LAS1L: variants seen among roughly 807,000 people sequenced by gnomAD.
LAS1L encodes the protein LAS1 like ribosome biogenesis factor.
A neutral mutation model predicts 57.3 loss-of-function variants in LAS1L; 5 were observed. That is an observed-to-expected ratio of 0.09 (90% confidence interval 0.05 to 0.18). LAS1L has a LOEUF of 0.18. LAS1L is among the 10% of genes least tolerant of loss of function. The pLI, the probability that LAS1L is intolerant of heterozygous loss-of-function variation, is 1.00. For missense variants in LAS1L, 360 were observed against 568.3 expected, an observed-to-expected ratio of 0.63 and a Z score of 3.73; for synonymous variants, 245 against 231.7, an observed-to-expected ratio of 1.06 and a Z score of -0.52.
chrX:65,520,158 G>C (rs1397146845), intron 11 of LAS1L, among the ~76,000 whole-genome samples: 1 of 111,588 alleles, frequency 9.0e-6, no homozygotes, highest in African/African-American at 3.3e-5. Context: ...CCCCTTCCTC[G>C]AGTATGTCTG....
chrX:65,513,225 T>C (rs1358001390), intron 13 of LAS1L, among the ~76,000 whole-genome samples: 1 of 112,304 alleles, frequency 8.9e-6, no homozygotes, highest in African/African-American at 3.2e-5. Context: ...TCCCAAGACA[T>C]TGAAAGTAGC....
At chrX:65,525,177 T>C (rs2069061564) in intron 7 of LAS1L, 127 bp from the exon 8 acceptor site, 1 of 508,784 alleles carries the variant, frequency 2.0e-6, no homozygotes, top group Admixed American at 3.1e-5. Flanking sequence ...GGAGGAGGGG[T>C]GGTGGGTGGG....
At chrX:65,528,162 A>C in intron 7 of LAS1L, 98 bp downstream of exon 7, 2 of 525,208 alleles carry the variant, frequency 3.8e-6, no homozygotes. Context: ...GATTTTGTAC[A>C]GCAGAGGTTG....
Position 65,518,447 on chromosome X carries a change from C to A in LAS1L, c.1467G>T (p.Gly489=). 1 of 1,201,922 alleles carries A rather than the reference C, an allele frequency of 8.3e-7. No homozygotes were observed. Among genetic ancestry groups the A allele is most frequent in the Non-Finnish European group, 1.1e-6 (1 of 890,680 alleles). Residue 489 remains glycine, a synonymous_variant, in exon 12 of 14, where the codon GGG becomes GGT. Transcript: ENST00000374811. ...CCTGCTCCTCGTCTGGCAGGCCCTG[C>A]CCCATGGCTTTGAAGATGCTGAGCA... ...QLLRIIFKAM[G]QGLPDEEQEK...
intron 12 of LAS1L, among the ~76,000 whole-genome samples, chrX:65,516,636 T>TACACACAC (rs57356313): frequency 8.9e-4 from 80 of 89,581 alleles, no homozygotes; most frequent in Non-Finnish European, 1.4e-3. Flanking sequence ...CTTTTTCCTA[T>TACACACAC]ACACACACAC....
chrX:65,515,015 G>A (rs2068578253), intron 12 of LAS1L, 42 bp from the exon 13 acceptor site: 1 of 1,174,234 alleles, frequency 8.5e-7, no homozygotes, highest in Non-Finnish European at 1.1e-6. Context: ...CTGATGAGCT[G>A]GTTCTCCGAC....
chrX:65,521,419 T>A lies in LAS1L; in HGVS notation c.1448+2141A>T, dbSNP rs2068843983. 3 of 254,664 alleles carry A rather than the reference T, an allele frequency of 1.2e-5. No individual in the cohort carries two copies. In the South Asian group the frequency reaches 5.8e-4, roughly 50 times the overall value. 21.0% of individuals were successfully genotyped at this position (254,664 alleles called of 1,213,427 possible). A position where few individuals can be genotyped will look rare whatever the true frequency, so the allele number is the denominator to read the frequency against. On this transcript the variant is annotated intron_variant, in intron 11 of 13. Transcript: ENST00000374811. ...GAGTCCTTGCCCTTGAAAAGCTTAG[T>A]CTGATAGAGGGAAGGAGACACTAAG... is the stretch of plus-strand genomic sequence containing the variant.
At chrX:65,531,136 A>G (rs2069464796) in intron 4 of LAS1L, among the ~76,000 whole-genome samples, 1 of 112,777 alleles carries the variant, frequency 8.9e-6, no homozygotes, top group Admixed American at 9.4e-5. Flanking sequence ...TATTATGTTT[A>G]TCATGAATTT....
At chrX:65,523,854 GC>G in intron 10 of LAS1L, 147 bp from the exon 11 acceptor site, 1 of 782,602 alleles carries the variant, frequency 1.3e-6, no homozygotes, top group Non-Finnish European at 1.8e-6. Context: ...AGGGCACTTT[GC>G]CCCAGCCCAG....
chrX:65,526,130 G>A lies in LAS1L; in HGVS notation c.957-1080C>T, dbSNP rs977924318. Among the ~76,000 whole-genome samples, 56 of 112,073 alleles carry A rather than the reference G, an allele frequency of 5.0e-4. 1 individual carries two copies. Among genetic ancestry groups the A allele is most frequent in the African/African-American group, 1.6e-3 (49 of 30,754 alleles). On this transcript the variant is annotated intron_variant, in intron 7 of 13. Transcript: ENST00000374811. ...GACTCCCCTTTGCCTTCTGCCATGA[G>A]GGGAAGAAGCAGCCTGAAGCTCTAA...
intron 3 of LAS1L, among the ~76,000 whole-genome samples, 163 bp downstream of exon 3, chrX:65,532,398 C>T (rs779853536): frequency 2.7e-5 from 3 of 112,875 alleles, no homozygotes; most frequent in Non-Finnish European, 5.6e-5. Context: ...AAGGGAGCAA[C>T]TGTGCCTCCT....
intron 11 of LAS1L, chrX:65,519,031 C>G: frequency 1.5e-6 from 1 of 682,590 alleles, no homozygotes; most frequent in Non-Finnish European, 1.7e-6. Flanking sequence ...CAGCGGCTGA[C>G]AAGACAAAGC....
chrX:65,515,039 T>C (rs1006490819), intron 12 of LAS1L, 66 bp from the exon 13 acceptor site: 7 of 1,073,915 alleles, frequency 6.5e-6, no homozygotes, highest in Middle Eastern at 3.1e-4. Flanking sequence ...TGCACAGGCC[T>C]GCTCACCCTG....
chrX:65,531,140 T>A (rs1187670921), intron 4 of LAS1L, among the ~76,000 whole-genome samples: 4 of 112,654 alleles, frequency 3.6e-5, no homozygotes, highest in Non-Finnish European at 7.5e-5. Context: ...ATGTTTATCA[T>A]GAATTTTTCC....
At chrX:65,524,396 C>G in intron 9 of LAS1L, 134 bp from the exon 10 acceptor site, 2 of 527,386 alleles carry the variant, frequency 3.8e-6, no homozygotes, top group Non-Finnish European at 3.3e-6. Flanking sequence ...GCGCATGAGC[C>G]AAGCCCCCCA....
chrX:65,525,787 C>T lies in LAS1L; in HGVS notation c.957-737G>A, dbSNP rs186895475. On this transcript the variant is annotated intron_variant, in intron 7 of 13. Coordinates refer to ENST00000374811, the MANE Select transcript of LAS1L (RefSeq NM_031206.7). ...AAAAAAAGAAAGAAATTGCAACCTC[C>T]GGCATAAATGGGTTAATAGCTCAAA... 3.2e-3 allele frequency among the ~76,000 whole-genome samples: 311 copies of T among 96,555 alleles called. 4 individuals are homozygous for T. The highest frequency in any genetic ancestry group is 0.016 in the African/African-American group (284 of 17,959). 83.8% of individuals were successfully genotyped at this position (96,555 alleles called of 115,157 possible).
intron 12 of LAS1L, among the ~76,000 whole-genome samples, chrX:65,516,200 C>T: frequency 9.0e-6 from 1 of 111,490 alleles, no homozygotes; most frequent in Admixed American, 9.5e-5. Flanking sequence ...TGTTCCTCTA[C>T]TTGTCCATCC....
chrX:65,525,097 C>A (rs760169842), intron 7 of LAS1L, 47 bp from the exon 8 acceptor site: 133 of 1,017,290 alleles, frequency 1.3e-4, no homozygotes, highest in Non-Finnish European at 1.7e-4. Context: ...TGGCAGAAGA[C>A]CCTCTCCTAC....
At chrX:65,524,852 T>C (rs2069046290) in intron 8 of LAS1L, 113 bp downstream of exon 8, 2 of 523,508 alleles carry the variant, frequency 3.8e-6, no homozygotes, top group Non-Finnish European at 6.3e-6. Flanking sequence ...TCAGAGGCCA[T>C]GGAATGGCAG....
Sources: allele counts gnomAD v4.1 joint callset (sites outside exome capture counted in the v4.1 genomes callset), GRCh38; gene constraint gnomAD v4.1.1; transcripts MANE v1.5; gene names NCBI Gene and HGNC (gene_info 2026-07-23, HGNC 2026-07-21).